The following PPARGC1A variants were observed in gnomAD, a reference collection of about 807,000 sequenced individuals.
PPARGC1A encodes peroxisome proliferator-activated receptor gamma coactivator 1-alpha.
A neutral mutation model predicts 88.7 loss-of-function variants in PPARGC1A; 25 were observed. The ratio of observed to expected loss-of-function variants is 0.28; its 90% CI spans 0.21 to 0.39. The LOEUF is 0.39. PPARGC1A is among the 10% of genes least tolerant of loss of function. The pLI is 1.00. For missense variants in PPARGC1A, 880 were observed against 968.7 expected (o/e 0.91, Z 1.22); for synonymous variants, 363 against 355.6 (o/e 1.02, Z -0.24).
intron 1 of PPARGC1A, among the ~76,000 whole-genome samples, chr4:23,896,165 G>A (rs1251562406): frequency 6.6e-6 from 1 of 152,036 alleles, no homozygotes; most frequent in East Asian, 1.9e-4. Context: ...AGAGGATGAG[G>A]AGGAAATGTA....
chr4:24,190,599 T>G, the PPARGC1A span, among the ~76,000 whole-genome samples: 6 of 152,202 alleles, frequency 3.9e-5, no homozygotes, highest in African/African-American at 1.4e-4. Context: ...GGTTCTAATC[T>G]TCTCAATGCC....
At chr4:23,830,584 A>G (rs143899793) in intron 3 of PPARGC1A, among the ~76,000 whole-genome samples, 152 of 152,358 alleles carry the variant, frequency 1.0e-3, no homozygotes, top group African/African-American at 3.5e-3. Flanking sequence ...GACTCAAAGT[A>G]GGGCCTCCAT....
At chr4:24,049,332 G>GTA in the PPARGC1A span, among the ~76,000 whole-genome samples, 1 of 116,072 alleles carries the variant, frequency 8.6e-6, no homozygotes, top group Non-Finnish European at 2.0e-5. Flanking sequence ...ATGTGTGTGT[G>GTA]TGTATATATA....
chr4:24,436,774 G>A, the PPARGC1A span, among the ~76,000 whole-genome samples: 4,272 of 133,986 alleles, frequency 0.032, 30 homozygotes, highest in Middle Eastern at 0.069. Context: ...GGCCACCCCA[G>A]AGCCCGGGTC....
chr4:23,978,322 AACATTTGGTTT>A, the PPARGC1A span, among the ~76,000 whole-genome samples: 11 of 152,166 alleles, frequency 7.2e-5, no homozygotes, highest in Non-Finnish European at 1.5e-4. Context: ...ATTTATTATA[AACATTTGGTTT>A]GCATAGAAGA....
the PPARGC1A span, among the ~76,000 whole-genome samples, chr4:24,227,786 A>G: frequency 1.3e-5 from 2 of 152,190 alleles, no homozygotes; most frequent in African/African-American, 4.8e-5. Flanking sequence ...TCAGACATTA[A>G]TGAAAAATCT....
At position 23,812,830 on chromosome 4, in the gene PPARGC1A, T is replaced by C; in HGVS notation, c.1936A>G (p.Lys646Glu). The C allele has an allele frequency of 1.2e-6, 2 of 1,614,068 alleles. No individual in the cohort carries two copies. The highest frequency in any genetic ancestry group is 1.7e-6 in the Non-Finnish European group (2 of 1,180,010). ...SYEEYQHERLKREEYRREYEK... is the reference protein window; with the variant it reads ...SYEEYQHERLEREEYRREYEK... ...TACTCTCTGCGATATTCTTCCCTCT[T>C]CAGCCTCTCGTGCTGATATTCCTCG... Residue 646 changes from lysine (K) to glutamate (E), a missense_variant, in exon 10 of 13, where the codon AAG (lysine) becomes GAG (glutamate). Lys to Glu is a moderately conservative substitution (Grantham distance 56). Coordinates refer to ENST00000264867, the MANE Select transcript of PPARGC1A (RefSeq NM_013261.5).
At chr4:23,916,642 T>C in the PPARGC1A span, among the ~76,000 whole-genome samples, 1 of 152,212 alleles carries the variant, frequency 6.6e-6, no homozygotes, top group East Asian at 1.9e-4. Context: ...TTCTACATAA[T>C]AGCTGCCTAC....
At chr4:24,128,752 T>C in the PPARGC1A span, among the ~76,000 whole-genome samples, 4 of 152,210 alleles carry the variant, frequency 2.6e-5, no homozygotes, top group Non-Finnish European at 5.9e-5. Context: ...CCATCTTCTC[T>C]TAAAAGCAGC....
At chr4:24,102,907 G>A in the PPARGC1A span, among the ~76,000 whole-genome samples, 2 of 152,170 alleles carry the variant, frequency 1.3e-5, no homozygotes, top group African/African-American at 4.8e-5. Flanking sequence ...AATCAGGAGT[G>A]TGAACAGATT....
the PPARGC1A span, among the ~76,000 whole-genome samples, chr4:24,073,340 C>G: frequency 1.3e-5 from 2 of 152,150 alleles, no homozygotes; most frequent in Admixed American, 1.3e-4. Flanking sequence ...TCATGCCCAG[C>G]CCCTTCATTG....
the PPARGC1A span, among the ~76,000 whole-genome samples, chr4:24,343,344 C>T: frequency 1.3e-5 from 2 of 152,180 alleles, no homozygotes; most frequent in Non-Finnish European, 2.9e-5. Context: ...CATAAGGAAC[C>T]TACCCATGGA....
At chr4:23,897,481 G>A (rs928163164) in intron 1 of PPARGC1A, among the ~76,000 whole-genome samples, 7 of 152,232 alleles carry the variant, frequency 4.6e-5, no homozygotes, top group East Asian at 1.9e-4. Flanking sequence ...AAAGATGGCC[G>A]GATTCAATTA....
At chr4:23,808,261 A>T (rs542737464) in intron 10 of PPARGC1A, among the ~76,000 whole-genome samples, 1 of 151,860 alleles carries the variant, frequency 6.6e-6, no homozygotes, top group African/African-American at 2.4e-5. Flanking sequence ...AAAAAAAAAA[A>T]AAAAAAACCC....
chr4:24,398,266 G>T, the PPARGC1A span, among the ~76,000 whole-genome samples: 1 of 152,054 alleles, frequency 6.6e-6, no homozygotes, highest in Non-Finnish European at 1.5e-5. Flanking sequence ...AAAATACACA[G>T]AAATACTTTA....
chr4:24,355,064 G>C, the PPARGC1A span, among the ~76,000 whole-genome samples: 1 of 152,176 alleles, frequency 6.6e-6, no homozygotes, highest in South Asian at 2.1e-4. Flanking sequence ...CCTAGGGTCA[G>C]CTTCCATCAG....
chr4:24,103,994 A>G, the PPARGC1A span, among the ~76,000 whole-genome samples: 1 of 152,222 alleles, frequency 6.6e-6, no homozygotes, highest in Non-Finnish European at 1.5e-5. Flanking sequence ...GCCGATGAAT[A>G]AAAGAAAGGG....
At chr4:23,972,787 C>G in the PPARGC1A span, among the ~76,000 whole-genome samples, 2 of 152,154 alleles carry the variant, frequency 1.3e-5, no homozygotes, top group African/African-American at 4.8e-5. Context: ...CTGTCAGAAT[C>G]TGGTGAATGT....
the PPARGC1A span, among the ~76,000 whole-genome samples, chr4:24,343,297 A>T: frequency 0.18 from 28,015 of 152,196 alleles, 2,705 homozygotes; most frequent in South Asian, 0.23. Context: ...CTAATGCAAC[A>T]GTATTAAAAG....
Sources: gnomAD v4.1 joint callset for allele counts (sites outside exome capture counted in the v4.1 genomes callset) on GRCh38, gnomAD v4.1.1 for gene constraint, MANE v1.5 for transcripts, NCBI Gene and HGNC (gene_info 2026-07-23, HGNC 2026-07-21) for gene names.